The following RYR1 variants were observed in gnomAD, a reference collection of about 807,000 sequenced individuals.
RYR1 encodes the protein central core disease of muscle.
A neutral mutation model predicts 583.5 loss-of-function variants in RYR1; 342 were observed. The ratio of observed to expected loss-of-function variants is 0.59; its 90% CI spans 0.54 to 0.64. The LOEUF is 0.64. RYR1 is among the 30% of genes least tolerant of loss of function. The pLI is 0.00. For missense variants in RYR1, 6,032 were observed against 6,917.2 expected (o/e 0.87, Z 4.54); for synonymous variants, 2,791 against 2,822.5 (o/e 0.99, Z 0.35).
At chr19:38,474,089 G>A (rs1968586324) in intron 28 of RYR1, among the ~76,000 whole-genome samples, 1 of 152,210 alleles carries the variant, frequency 6.6e-6, no homozygotes, top group African/African-American at 2.4e-5. Flanking sequence ...AGGGACTTCA[G>A]TATCTTCCTA....
intron 2 of RYR1, among the ~76,000 whole-genome samples, chr19:38,441,103 C>A (rs111661801): frequency 8.6e-5 from 13 of 151,448 alleles, no homozygotes; most frequent in African/African-American, 2.7e-4. Flanking sequence ...GTGTGGTAGG[C>A]CAGGGCGGGG....
At chr19:38,537,825 CT>C in intron 83 of RYR1, 54 bp from the exon 84 acceptor site, 2 of 1,509,502 alleles carry the variant, frequency 1.3e-6, no homozygotes, top group South Asian at 2.2e-5. Context: ...CATGTGTGCG[CT>C]GTGTCTTGGC....
chr19:38,448,561 C>T (rs777986495), intron 10 of RYR1, 50 bp downstream of exon 10: 5 of 1,614,106 alleles, frequency 3.1e-6, no homozygotes, highest in Admixed American at 3.3e-5. Flanking sequence ...CCAGTCCCAG[C>T]CCAGCCTGCA....
chr19:38,548,493 G>C (rs2145791265), intron 89 of RYR1, 73 bp downstream of exon 89: 1 of 1,442,638 alleles, frequency 6.9e-7, no homozygotes, highest in Non-Finnish European at 9.7e-7. Context: ...CTTCTGGCTG[G>C]CTGCCTCAGG....
intron 89 of RYR1, among the ~76,000 whole-genome samples, chr19:38,553,842 G>C (rs956865671): frequency 6.6e-6 from 1 of 152,108 alleles, no homozygotes; most frequent in African/African-American, 2.4e-5. Context: ...GTACATAATA[G>C]GTATAACATC....
Position 38,565,120 on chromosome 19 carries a change from C to T in RYR1, c.12786C>T (p.Asp4262=), listed in dbSNP as rs372770916. The T allele has an allele frequency of 4.6e-5, 71 of 1,537,710 alleles. No homozygotes were observed. The highest frequency in any genetic ancestry group is 5.8e-5 in the Non-Finnish European group (67 of 1,145,822). ...EPEGEPETDE[D]EGAGAAEAGA... The stretch of plus-strand genomic sequence containing the variant: ...AGGGCGAGCCGGAGACCGACGAGGA[C>T]GAGGGCGCGGGCGCGGCGGAGGCGG... The change falls in exon 91 of 106, where the codon GAC becomes GAT. Residue 4262 remains aspartate (D), a synonymous_variant. Coordinates refer to ENST00000359596, the MANE Select transcript of RYR1 (RefSeq NM_000540.3). The surrounding 1 kb of genome is among the most constrained non-coding windows in gnomAD (Gnocchi z 4.7).
Position 38,492,554 on chromosome 19 carries a change from G to A in RYR1, c.6192G>A (p.Met2064Ile), listed in dbSNP as rs372066850. ...AGACCACCCTGGGCAGCCGCCTCAT[G>A]AGCCTGTTGGAGAAAGTGCGGCTGG... is the stretch of plus-strand genomic sequence containing the variant. ...EEETTLGSRL[M>I]SLLEKVRLVK... is the part of the protein sequence containing the mutation. Residue 2064 changes from methionine to isoleucine, a missense_variant, in exon 38 of 106, where the codon ATG becomes ATA. Physicochemically the swap from Met to Ile is conservative, Grantham distance 10. Coordinates refer to ENST00000359596, the MANE Select transcript of RYR1 (RefSeq NM_000540.3). 7 of 1,614,096 alleles carry A rather than the reference G, an allele frequency of 4.3e-6. No individual in the cohort carries two copies. The highest frequency in any genetic ancestry group is 1.7e-5 in the Admixed American group (1 of 60,024).
rs189337163 is a variant in RYR1 at position 38,496,671 on chromosome 19, A to C, written c.6796+130A>C. The stretch of plus-strand genomic sequence containing the variant: ...TCTCAACTGTGGTTCTGGCCCTGTA[A>C]TGAGTAATGCTGGGGACACAATAGT... On this transcript the variant is annotated intron_variant, in intron 41 of 105. Transcript: ENST00000359596. The surrounding 1 kb of genome is among the most constrained non-coding windows in gnomAD (Gnocchi z 4.8). The C allele has an allele frequency of 2.7e-5, 35 of 1,275,272 alleles. No individual in the cohort carries two copies. The African/African-American group carries it at 4.4e-4, about 16-fold the overall frequency. 79.0% of individuals were successfully genotyped at this position (1,275,272 alleles called of 1,614,324 possible). A position where few individuals can be genotyped will look rare whatever the true frequency, so the allele number is the denominator to read the frequency against.
In RYR1 at chr19:38,458,246, C is replaced by A. The variant is rs146104858; in HGVS notation, c.2121C>A (p.Gly707=). The change falls in exon 18 of 106, where the codon GGC becomes GGA. Residue 707 remains glycine, a synonymous_variant. Coordinates refer to ENST00000359596, the MANE Select transcript of RYR1 (RefSeq NM_000540.3). ...AGGGCTGGGGCGGCAACGGGGTCGG[C>A]GATGACCTCTATTCCTACGGCTTTG... The part of the protein sequence containing the change: ...AGEGWGGNGV[G]DDLYSYGFDG... 2.7e-3 allele frequency: 4,380 copies of A among 1,613,974 alleles called. 10 individuals carry two copies. The highest frequency in any genetic ancestry group is 3.4e-3 in the Non-Finnish European group (4,063 of 1,180,018).
Position 38,523,766 on chromosome 19 carries a change from C to T in RYR1, c.10441-149C>T, listed in dbSNP as rs1473547330. On this transcript the variant is annotated intron_variant, in intron 69 of 105. Coordinates refer to ENST00000359596, the MANE Select transcript of RYR1 (RefSeq NM_000540.3). ...CAGGTCTCAGAGAACGACCCCCCAC[C>T]CCGAGCCAAGGCCTGGAAATGCCCA... 5.0e-6 allele frequency: 5 copies of T among 1,003,580 alleles called. No individual in the cohort carries two copies. In the East Asian group the frequency reaches 1.0e-4, roughly 20 times the overall value. 62.2% of individuals were successfully genotyped at this position (1,003,580 alleles called of 1,614,324 possible). A position where few individuals can be genotyped will look rare whatever the true frequency, so the allele number is the denominator to read the frequency against.
rs377476955 is a variant in RYR1 at position 38,485,889 on chromosome 19, C to G, written c.5234C>G (p.Thr1745Arg). 13 of 1,613,748 alleles carry G rather than the reference C, an allele frequency of 8.1e-6. No homozygotes were observed. The Middle Eastern group carries it at 1.3e-3, about 164-fold the overall frequency. ...VPLTPETRAI[T>R]LFPPGRSTEN... ...CTCACGCCTGAGACCCGCGCCATCA[C>G]GCTCTTCCCTCCTGGAAGGAGCACA... Residue 1745 changes from threonine (T) to arginine (R), a missense_variant, in exon 34 of 106, where the codon ACG becomes AGG. Thr to Arg is a moderately conservative substitution (Grantham distance 71). Around this residue, in one of 11 missense-constraint regions of RYR1, gnomAD observed 2,627 missense variants for 2,961.3 expected, o/e 0.89. Coordinates refer to ENST00000359596, the MANE Select transcript of RYR1 (RefSeq NM_000540.3).
intron 101 of RYR1, among the ~76,000 whole-genome samples, chr19:38,581,961 C>T (rs1418406397): frequency 2.0e-5 from 3 of 152,130 alleles, no homozygotes; most frequent in African/African-American, 7.2e-5. Context: ...GGAGCGTGCC[C>T]CTGCCACTTA....
chr19:38,526,824 C>A (rs1354190902), intron 71 of RYR1, 169 bp from the exon 72 acceptor site: 3 of 656,864 alleles, frequency 4.6e-6, no homozygotes, highest in Non-Finnish European at 8.1e-6. Context: ...CCTCTAGGAC[C>A]CCTTCTGACC....
chr19:38,580,138 G>A lies in RYR1; in HGVS notation c.14511+10G>A. On this transcript the variant is annotated intron_variant, in intron 100 of 105. Coordinates refer to ENST00000359596, the MANE Select transcript of RYR1 (RefSeq NM_000540.3). Reference sequence around the variant, plus strand: ...CCACAATGGGAAACAGGTGTGGGGAGGACCTGGCTGTGGGGCGTGGGCCAG... The same window carrying A: ...CCACAATGGGAAACAGGTGTGGGGAAGACCTGGCTGTGGGGCGTGGGCCAG... 1 of 1,614,160 alleles carries A rather than the reference G, an allele frequency of 6.2e-7. No homozygotes were observed.
At chr19:38,547,427 G>A (rs1972482103) in intron 88 of RYR1, among the ~76,000 whole-genome samples, 2 of 151,958 alleles carry the variant, frequency 1.3e-5, no homozygotes, top group African/African-American at 2.4e-5. Context: ...GTGTGGGATC[G>A]CAGTTTGCCA....
In RYR1 at chr19:38,443,736, A is replaced by G; in HGVS notation, c.364A>G (p.Thr122Ala). The G allele has an allele frequency of 6.2e-7, 1 of 1,613,558 alleles. No individual in the cohort carries two copies. The highest frequency in any genetic ancestry group is 1.1e-5 in the South Asian group (1 of 91,046). Residue 122 changes from threonine (T) to alanine (A), a missense_variant, in exon 5 of 106, where the codon ACC becomes GCC. By Grantham distance (58) the Thr-to-Ala change is moderately conservative. Around this residue, in one of 11 missense-constraint regions of RYR1, gnomAD observed 338 missense variants for 441.6 expected, o/e 0.77. Coordinates refer to ENST00000359596, the MANE Select transcript of RYR1 (RefSeq NM_000540.3). Reference protein sequence around the residue: ...HSRMYLSCLTTSRSMTDKLAF... With the variant: ...HSRMYLSCLTASRSMTDKLAF... ...ACCCTAGTATCTGAGCTGCCTCACC[A>G]CCTCCCGCTCCATGACTGACAAGCT...
chr19:38,493,777 C>T (rs1183496284), intron 38 of RYR1, among the ~76,000 whole-genome samples: 1 of 152,108 alleles, frequency 6.6e-6, no homozygotes, highest in Non-Finnish European at 1.5e-5. Context: ...GCCTCAGCCT[C>T]CCAAAGTGCA....
In RYR1 at chr19:38,443,628, G is replaced by A. The variant is rs574357386; in HGVS notation, c.341G>A (p.Arg114His). The A allele has an allele frequency of 3.5e-5, 57 of 1,614,056 alleles. 1 individual carries two copies. The South Asian group carries it at 4.6e-4, about 13-fold the overall frequency. ...HAILLRHAHS[R>H]MYLSCLTTSR... ...ATCCTGCTCCGGCATGCACACAGCC[G>A]CATGGTGAGTGCAACCTCGGTGGGC... Residue 114 changes from arginine to histidine, a missense_variant, in exon 4 of 106, where the codon CGC becomes CAC. Physicochemically the swap from Arg to His is conservative, Grantham distance 29. Around this residue, in one of 11 missense-constraint regions of RYR1, gnomAD observed 338 missense variants for 441.6 expected, o/e 0.77. Coordinates refer to ENST00000359596, the MANE Select transcript of RYR1 (RefSeq NM_000540.3).
chr19:38,488,121 C>G (rs1003898200), intron 34 of RYR1, among the ~76,000 whole-genome samples: 65 of 151,754 alleles, frequency 4.3e-4, no homozygotes, highest in African/African-American at 1.5e-3. Flanking sequence ...CTGGCCCCAA[C>G]TTTTCATACA....
Sources: gnomAD v4.1 joint callset for allele counts (sites outside exome capture counted in the v4.1 genomes callset) on GRCh38, gnomAD v4.1.1 for gene constraint, gnomAD v4.1.1 regional missense constraint, Gnocchi (gnomAD v3.1) non-coding constraint, MANE v1.5 for transcripts, NCBI Gene and HGNC (gene_info 2026-07-23, HGNC 2026-07-21) for gene names.